The following FSTL1 variants were observed in gnomAD, a reference collection of about 807,000 sequenced individuals.
The protein encoded by FSTL1 is follistatin-related protein 1.
Under a neutral mutation model 45.9 loss-of-function variants are expected in FSTL1, and 24 were observed. The observed-to-expected ratio is 0.52, with a 90% CI of 0.38 to 0.74. FSTL1 has a LOEUF of 0.74. FSTL1 is among the 30% of genes least tolerant of loss of function. The pLI is 0.00. For synonymous variants in FSTL1, 120 were observed against 137.6 expected (o/e 0.87, Z 0.89); for missense variants, 340 against 381.8 (o/e 0.89, Z 0.91).
rs748455860 is a variant in FSTL1, at chr3:120,403,257, T to G, written c.679A>C (p.Asn227His). Residue 227 changes from asparagine to histidine, a missense_variant, in exon 8 of 11, where the codon AAC becomes CAC. By Grantham distance (68) the Asn-to-His change is moderately conservative. Coordinates refer to ENST00000295633, the MANE Select transcript of FSTL1 (RefSeq NM_007085.5). ...EFLKCLNPSF[N>H]PPEKKCALED... ...TTAGGCATACTCTTCTCAGGAGGGT[T>G]GAAAGATGGGTTGAGGCACTTGAGA... 5.0e-6 allele frequency: 8 copies of G among 1,594,362 alleles called. No individual in the cohort carries two copies. The East Asian group carries it at 1.8e-4, about 36-fold the overall frequency.
intron 2 of FSTL1, among the ~76,000 whole-genome samples, chr3:120,426,497 T>C (rs1937382295): frequency 6.6e-6 from 1 of 152,222 alleles, no homozygotes; most frequent in African/African-American, 2.4e-5. Flanking sequence ...CCACCCATTT[T>C]TGCCTTGGGT....
intron 2 of FSTL1, among the ~76,000 whole-genome samples, chr3:120,416,444 A>G (rs1322340212): frequency 6.6e-6 from 1 of 152,228 alleles, no homozygotes; most frequent in Non-Finnish European, 1.5e-5. Context: ...AAAACAACAC[A>G]GGAAGTGCAA....
intron 2 of FSTL1, among the ~76,000 whole-genome samples, chr3:120,449,481 G>A (rs1257542858): frequency 1.3e-5 from 2 of 152,100 alleles, no homozygotes; most frequent in Non-Finnish European, 2.9e-5. Flanking sequence ...GGTAACCTTC[G>A]CTGACTCAAT....
At chr3:120,449,945 T>C (rs550319732) in intron 2 of FSTL1, among the ~76,000 whole-genome samples, 1 of 152,200 alleles carries the variant, frequency 6.6e-6, no homozygotes, top group East Asian at 1.9e-4. Flanking sequence ...CATAAACCTT[T>C]GAGTTAATGG....
intron 2 of FSTL1, among the ~76,000 whole-genome samples, chr3:120,428,415 A>G (rs1212332437): frequency 6.6e-6 from 1 of 152,164 alleles, no homozygotes; most frequent in Non-Finnish European, 1.5e-5. Flanking sequence ...CCAGCATAGC[A>G]AAGTAGCACC....
rs116007134 is a variant in FSTL1 at position 120,403,373 on chromosome 3, G to C, written c.582-19C>G. On this transcript the variant is annotated intron_variant, in intron 7 of 10. Coordinates refer to ENST00000295633, the MANE Select transcript of FSTL1 (RefSeq NM_007085.5). ...GAGTCCCCTGAAACAAAACACAGGA[G>C]AAATGTGTTAGCAAGACCTCAGCTT... is the stretch of plus-strand genomic sequence containing the variant. 2.9e-4 allele frequency: 418 copies of C among 1,417,878 alleles called. 3 individuals are homozygous for C. In the African/African-American group the frequency reaches 5.4e-3, roughly 18 times the overall value. The allele number at this position is 1,417,878 out of a possible 1,614,324, so 87.8% of individuals were successfully genotyped here.
intron 2 of FSTL1, among the ~76,000 whole-genome samples, chr3:120,424,456 G>T (rs1937340281): frequency 6.6e-6 from 1 of 152,208 alleles, no homozygotes; most frequent in Admixed American, 6.5e-5. Flanking sequence ...TCATAGAAGA[G>T]ATGGGACTTG....
At chr3:120,417,376 A>T (rs768117945) in intron 2 of FSTL1, among the ~76,000 whole-genome samples, 2 of 152,058 alleles carry the variant, frequency 1.3e-5, no homozygotes, top group Non-Finnish European at 2.9e-5. Flanking sequence ...TGCTCTGCAA[A>T]CTCCAGGTCA....
chr3:120,415,171 T>G (rs1228584229), intron 3 of FSTL1, among the ~76,000 whole-genome samples: 1 of 151,028 alleles, frequency 6.6e-6, no homozygotes, highest in Non-Finnish European at 1.5e-5. Flanking sequence ...TCATCTACTG[T>G]TTTTAAAAAT....
intron 3 of FSTL1, 90 bp from the exon 4 acceptor site, chr3:120,412,073 AGC>A: frequency 8.9e-7 from 1 of 1,127,716 alleles, no homozygotes. Context: ...ACACACACAG[AGC>A]CATTTTGTAA....
At chr3:120,401,519 T>C (rs1004149439) in intron 9 of FSTL1, among the ~76,000 whole-genome samples, 1 of 152,114 alleles carries the variant, frequency 6.6e-6, no homozygotes, top group Non-Finnish European at 1.5e-5. Context: ...TTTAACCTGA[T>C]CTTCCTGAAC....
intron 3 of FSTL1, among the ~76,000 whole-genome samples, chr3:120,414,600 G>A (rs1937153778): frequency 6.6e-6 from 1 of 152,142 alleles, no homozygotes; most frequent in Non-Finnish European, 1.5e-5. Context: ...CCATGTCTGT[G>A]TAGAAAGAAG....
At chr3:120,425,176 CCT>C (rs1353193815) in intron 2 of FSTL1, among the ~76,000 whole-genome samples, 9 of 152,024 alleles carry the variant, frequency 5.9e-5, no homozygotes, top group Non-Finnish European at 1.2e-4. Flanking sequence ...GATTTCAGCC[CCT>C]GTCACCTCCT....
In FSTL1 at chr3:120,395,077, G is replaced by A. The variant is rs562991965; in HGVS notation, c.*1875C>T. ...TCAGACTGAACAAGTGGAGTTTGAA[G>A]AGTTTTTAGATGGGATGGATACATA... On this transcript the variant is annotated 3_prime_UTR_variant, in exon 11 of 11. Transcript: ENST00000295633. 1.3e-5 allele frequency: 2 copies of A among 153,348 alleles called. No homozygotes were observed. Among genetic ancestry groups the A allele is most frequent in the South Asian group, 4.1e-4 (2 of 4,856 alleles). The allele number at this position is 153,348 out of a possible 1,614,324, so 9.5% of individuals were successfully genotyped here. A position where few individuals can be genotyped will look rare whatever the true frequency, so the allele number is the denominator to read the frequency against.
At chr3:120,442,539 G>A (rs1937644330) in intron 2 of FSTL1, among the ~76,000 whole-genome samples, 1 of 152,140 alleles carries the variant, frequency 6.6e-6, no homozygotes, top group Admixed American at 6.5e-5. Flanking sequence ...CAGCACTTTG[G>A]GAGGCTGAGG....
chr3:120,450,859 G>A (rs1937883546), intron 1 of FSTL1, 38 bp downstream of exon 1: 2 of 668,878 alleles, frequency 3.0e-6, no homozygotes, highest in African/African-American at 1.9e-5. Flanking sequence ...CCGGCCGCCC[G>A]AAGAGTCCGG....
At chr3:120,416,085 A>G in intron 2 of FSTL1, 58 bp from the exon 3 acceptor site, 2 of 1,187,598 alleles carry the variant, frequency 1.7e-6, no homozygotes, top group East Asian at 2.3e-5. Flanking sequence ...TTATGGAATG[A>G]GCCCATAATG....
chr3:120,397,991 A>G (rs1936736434), intron 10 of FSTL1, among the ~76,000 whole-genome samples: 1 of 152,224 alleles, frequency 6.6e-6, no homozygotes, highest in African/African-American at 2.4e-5. Flanking sequence ...GCTAAGTCAA[A>G]GACAGAAAAG....
chr3:120,396,889 T>C lies in FSTL1; in HGVS notation c.*63A>G. ...GGCGACTGTAGCAGACACTTGTGTA[T>C]ACTGAACTCAGCGCTGAAGTGGAGA... On this transcript the variant is annotated 3_prime_UTR_variant, in exon 11 of 11. Coordinates refer to ENST00000295633, the MANE Select transcript of FSTL1 (RefSeq NM_007085.5). 7.9e-6 allele frequency: 9 copies of C among 1,144,162 alleles called. No homozygotes were observed. The highest frequency in any genetic ancestry group is 1.2e-5 in the Non-Finnish European group (9 of 751,084). The allele number at this position is 1,144,162 out of a possible 1,614,324, so 70.9% of individuals were successfully genotyped here.
Sources: allele counts gnomAD v4.1 joint callset (sites outside exome capture counted in the v4.1 genomes callset), GRCh38; gene constraint gnomAD v4.1.1; transcripts MANE v1.5; gene names NCBI Gene and HGNC (gene_info 2026-07-23, HGNC 2026-07-21).